Variants in AP4M1 observed in about 807,000 individuals in gnomAD.
AP4M1 encodes the protein adaptor related protein complex 4 subunit mu 1, also known as AP-4 complex subunit mu-1.
AP4M1 carries 58 observed loss-of-function variants against 62.4 expected under a neutral mutation model. That is an observed-to-expected ratio of 0.93 (90% CI 0.75 to 1.16). The LOEUF is 1.16. Among genes scored for constraint, AP4M1 ranks in the 50% most tolerant of loss-of-function variants. The pLI, the probability that AP4M1 is intolerant of heterozygous loss-of-function variation, is 0.00. For synonymous variants in AP4M1, 290 were observed against 239.7 expected, an observed-to-expected ratio of 1.21 and a Z score of -1.94; for missense variants, 626 against 585.4, an observed-to-expected ratio of 1.07 and a Z score of -0.72.
chr7:100,105,553 C>G lies in AP4M1; in HGVS notation c.929+14C>G. 6.2e-7 allele frequency: 1 copy of G among 1,608,592 alleles called. No homozygotes were observed. Among genetic ancestry groups the G allele is most frequent in the South Asian group, 1.1e-5 (1 of 91,012 alleles). On this transcript the variant is annotated intron_variant, in intron 11 of 14. Coordinates refer to ENST00000359593, the MANE Select transcript of AP4M1 (RefSeq NM_004722.4). Reference sequence around the variant, plus strand: ...AGGCTCAGGCCGGTGAGACAATTTCCTGGGTTCTAGAACTACCTTGGAACC... The same window carrying G: ...AGGCTCAGGCCGGTGAGACAATTTCGTGGGTTCTAGAACTACCTTGGAACC...
upstream of AP4M1, chr7:100,101,015 C>CA: frequency 2.5e-6 from 2 of 795,134 alleles, no homozygotes; most frequent in Non-Finnish European, 1.9e-6. Context: ...AGCGCGCCCC[C>CA]AAGCCCCCAA....
chr7:100,105,161 G>C, intron 9 of AP4M1, 63 bp downstream of exon 9: 5 of 1,612,682 alleles, frequency 3.1e-6, no homozygotes, highest in Non-Finnish European at 3.4e-6. Flanking sequence ...ATGGAGAGAA[G>C]TCAGACAGAG....
upstream of AP4M1, chr7:100,101,484 C>A: frequency 1.2e-6 from 1 of 808,504 alleles, no homozygotes; most frequent in Non-Finnish European, 2.0e-6. Context: ...CCGCTAGCCG[C>A]AAGCCAATCA....
chr7:100,105,865 C>T, intron 11 of AP4M1, 94 bp from the exon 12 acceptor site: 5 of 1,438,138 alleles, frequency 3.5e-6, no homozygotes, highest in South Asian at 1.1e-5. Flanking sequence ...GTACAGCCCA[C>T]ACCCACACAG....
At chr7:100,102,290 C>T (rs1163306127) in intron 2 of AP4M1, 1 of 545,142 alleles carries the variant, frequency 1.8e-6, no homozygotes, top group South Asian at 1.9e-5. Flanking sequence ...ACTCGGGAAG[C>T]TGAGGCTTGA....
chr7:100,108,139 G>C lies in AP4M1; in HGVS notation c.*1257G>C. On this transcript the variant is annotated 3_prime_UTR_variant, in exon 15 of 15. Transcript: ENST00000359593. ...TGGGCCGGGGCTGCGGGGAGAAGAGGAAAGGGGGAAGTGGCACCATCTACT... is the reference window on the plus strand; with the variant it reads ...TGGGCCGGGGCTGCGGGGAGAAGAGCAAAGGGGGAAGTGGCACCATCTACT... The C allele has an allele frequency of 6.3e-7, 1 of 1,581,384 alleles. No individual in the cohort carries two copies. The highest frequency in any genetic ancestry group is 1.1e-5 in the South Asian group (1 of 87,624).
In AP4M1 at chr7:100,106,373, A is replaced by G. The variant is rs373624927; in HGVS notation, c.1026-30A>G. The G allele has an allele frequency of 9.3e-6, 15 of 1,611,412 alleles. No individual in the cohort carries two copies. In the African/African-American group the frequency reaches 1.7e-4, roughly 19 times the overall value. On this transcript the variant is annotated intron_variant, in intron 13 of 14. Coordinates refer to ENST00000359593, the MANE Select transcript of AP4M1 (RefSeq NM_004722.4). Reference sequence around the variant, plus strand: ...ACGGGTCTGCCTCAAGAAGGTGCCAAGCCCAGCACCTTCCCTTTCCAAACT... The same window carrying G: ...ACGGGTCTGCCTCAAGAAGGTGCCAGGCCCAGCACCTTCCCTTTCCAAACT...
intron 11 of AP4M1, 80 bp downstream of exon 11, chr7:100,105,619 G>T (rs1229537392): frequency 2.2e-6 from 3 of 1,392,788 alleles, no homozygotes; most frequent in South Asian, 1.2e-5. Flanking sequence ...ACTGCAGAGT[G>T]GGGGTGGTGG....
In AP4M1 at chr7:100,102,903, C is replaced by T. The variant is rs750212660; in HGVS notation, c.294C>T (p.Gly98=). Residue 98 remains glycine, a synonymous_variant, in exon 4 of 15, where the codon GGC becomes GGT. Coordinates refer to ENST00000359593, the MANE Select transcript of AP4M1 (RefSeq NM_004722.4). The part of the protein sequence containing the change: ...TLLGDYCGSL[G]EGTISRNVAL... ...TGGGCGATTACTGTGGCTCCCTGGG[C>T]GAGGGGACCATCTCCCGCAATGTGG... The T allele has an allele frequency of 2.4e-5, 39 of 1,614,004 alleles. No homozygotes were observed. The highest frequency in any genetic ancestry group is 9.9e-5 in the South Asian group (9 of 91,062).
upstream of AP4M1, chr7:100,101,373 G>A (rs1484450130): frequency 1.3e-6 from 2 of 1,590,954 alleles, no homozygotes; most frequent in Admixed American, 1.7e-5. Context: ...TCCGCGCGGT[G>A]GACTGTGGCC....
rs746128349 is a variant in AP4M1, at chr7:100,106,836, G to T, written c.1316G>T (p.Trp439Leu). 34 of 1,613,826 alleles carry T rather than the reference G, an allele frequency of 2.1e-5. No individual in the cohort carries two copies. The highest frequency in any genetic ancestry group is 2.8e-5 in the Non-Finnish European group (33 of 1,180,052). ...RPCGNANPHK[W>L]VRHLSHSDAY... ...TGCGGCAATGCCAACCCCCACAAGT[G>T]GGTGCGACACCTAAGCCACAGCGAC... The change falls in exon 15 of 15, where the codon TGG (tryptophan) becomes TTG (leucine). Residue 439 changes from tryptophan to leucine, a missense_variant. Trp to Leu is a moderately conservative substitution (Grantham distance 61). Coordinates refer to ENST00000359593, the MANE Select transcript of AP4M1 (RefSeq NM_004722.4).
Position 100,107,325 on chromosome 7 carries a change from T to TC in AP4M1, c.*447dup. On this transcript the variant is annotated 3_prime_UTR_variant, in exon 15 of 15. Coordinates refer to ENST00000359593, the MANE Select transcript of AP4M1 (RefSeq NM_004722.4). ...AGTCCCTGGAGCTGGAGGGGGACTGTCCCCAGCCTCCTGCTTCCCCCCACA... is the reference window on the plus strand; with the variant it reads ...AGTCCCTGGAGCTGGAGGGGGACTGTCCCCCAGCCTCCTGCTTCCCCCCACA... The TC allele has an allele frequency of 6.5e-7, 1 of 1,541,612 alleles. No individual in the cohort carries two copies. Among genetic ancestry groups the TC allele is most frequent in the Non-Finnish European group, 8.7e-7 (1 of 1,143,528 alleles).
chr7:100,104,844 G>T (rs761733792), intron 7 of AP4M1, 30 bp from the exon 8 acceptor site: 5 of 1,613,258 alleles, frequency 3.1e-6, no homozygotes, highest in Admixed American at 1.7e-5. Context: ...AAGAAAAAAA[G>T]ACTCTAACCT....
upstream of AP4M1, chr7:100,101,383 C>T: frequency 7.6e-6 from 12 of 1,571,936 alleles, no homozygotes; most frequent in Non-Finnish European, 1.0e-5. Flanking sequence ...GGACTGTGGC[C>T]GGCCAACCGA....
Position 100,107,299 on chromosome 7 carries a change from G to C in AP4M1, c.*417G>C. ...TTGGGCTGGGAGCCATTGGCTTTTG[G>C]AGTCCCTGGAGCTGGAGGGGGACTG... On this transcript the variant is annotated 3_prime_UTR_variant, in exon 15 of 15. Coordinates refer to ENST00000359593, the MANE Select transcript of AP4M1 (RefSeq NM_004722.4). 5.9e-6 allele frequency: 9 copies of C among 1,524,532 alleles called. No individual in the cohort carries two copies. Among genetic ancestry groups the C allele is most frequent in the Non-Finnish European group, 7.9e-6 (9 of 1,138,142 alleles). The allele number at this position is 1,524,532 out of a possible 1,614,324, so 94.4% of individuals were successfully genotyped here.
Position 100,107,505 on chromosome 7 carries a change from G to A in AP4M1, c.*623G>A. 6.2e-7 allele frequency: 1 copy of A among 1,614,128 alleles called. No individual in the cohort carries two copies. Among genetic ancestry groups the A allele is most frequent in the Non-Finnish European group, 8.5e-7 (1 of 1,180,002 alleles). Reference sequence around the variant, plus strand: ...AGGACCAGAGGGAGCAGTGCTGGGGGGTGCGGTGGTGGCGGTGGAGACCAA... The same window carrying A: ...AGGACCAGAGGGAGCAGTGCTGGGGAGTGCGGTGGTGGCGGTGGAGACCAA... On this transcript the variant is annotated 3_prime_UTR_variant, in exon 15 of 15. Transcript: ENST00000359593.
At chr7:100,106,562 G>GCGGCCCCCC in intron 14 of AP4M1, 48 bp downstream of exon 14, 1 of 1,514,874 alleles carries the variant, frequency 6.6e-7, no homozygotes, top group Non-Finnish European at 9.1e-7. Flanking sequence ...TTCACTTGCA[G>GCGGCCCCCC]CCCCCACCCC....
chr7:100,102,226 C>CAA (rs750730419), intron 2 of AP4M1: 2,076 of 483,854 alleles, frequency 4.3e-3, no homozygotes, highest in Middle Eastern at 7.2e-3. Context: ...ACTAAAAATA[C>CAA]AAAAAAAAAA....
At chr7:100,104,814 G>T in intron 7 of AP4M1, 60 bp from the exon 8 acceptor site, 1 of 1,596,676 alleles carries the variant, frequency 6.3e-7, no homozygotes, top group South Asian at 1.1e-5. Flanking sequence ...GCGACAGAGC[G>T]AGACCGTCTC....
Sources: gnomAD v4.1 joint callset for allele counts on GRCh38, gnomAD v4.1.1 for gene constraint, MANE v1.5 for transcripts, NCBI Gene and HGNC (gene_info 2026-07-23, HGNC 2026-07-21) for gene names.